The following EDIL3 variants were observed in gnomAD, a reference collection of about 807,000 sequenced individuals.
EDIL3 encodes the protein EGF-like repeat and discoidin I-like domain-containing protein 3.
A neutral mutation model predicts 67.4 loss-of-function variants in EDIL3; 37 were observed. The observed-to-expected ratio is 0.55, with a 90% CI of 0.42 to 0.72. The LOEUF is 0.72. Ranked by LOEUF, EDIL3 falls within the 30% of genes least tolerant of loss-of-function variation. EDIL3 has a pLI of 0.00. For synonymous variants in EDIL3, 195 were observed against 196.3 expected (o/e 0.99, Z 0.05); for missense variants, 527 against 586.3 (o/e 0.90, Z 1.04).
At chr5:84,261,766 G>C (rs1745226057) in intron 1 of EDIL3, among the ~76,000 whole-genome samples, 1 of 151,946 alleles carries the variant, frequency 6.6e-6, no homozygotes, top group South Asian at 2.1e-4. Context: ...AATGAACAAA[G>C]AAACCTCTTA....
intron 3 of EDIL3, among the ~76,000 whole-genome samples, chr5:84,182,533 A>C (rs921696433): frequency 6.6e-6 from 1 of 152,066 alleles, no homozygotes; most frequent in Non-Finnish European, 1.5e-5. Flanking sequence ...CACTTCAAGC[A>C]CTGCAATCGG....
chr5:84,151,960 CAGGAG>C (rs1020781851), intron 4 of EDIL3, among the ~76,000 whole-genome samples: 43 of 150,920 alleles, frequency 2.8e-4, no homozygotes, highest in African/African-American at 1.0e-3. Context: ...GTAGCCCACG[CAGGAG>C]AGCAGTGGCA....
intron 4 of EDIL3, among the ~76,000 whole-genome samples, chr5:84,146,090 A>C (rs577279238): frequency 6.6e-6 from 1 of 152,160 alleles, no homozygotes; most frequent in Non-Finnish European, 1.5e-5. Context: ...GTTTAATAAT[A>C]CAAGTATAGC....
At chr5:84,227,508 A>C (rs2112406638) in intron 3 of EDIL3, among the ~76,000 whole-genome samples, 1 of 152,236 alleles carries the variant, frequency 6.6e-6, no homozygotes, top group South Asian at 2.1e-4. Flanking sequence ...CCACTATAGA[A>C]GGCAGTTTGG....
At chr5:84,184,503 T>TGTGAA (rs1749065885) in intron 3 of EDIL3, among the ~76,000 whole-genome samples, 2 of 152,238 alleles carry the variant, frequency 1.3e-5, no homozygotes, top group African/African-American at 4.8e-5. Context: ...ACAGATGCTA[T>TGTGAA]GTGAATTGCT....
chr5:83,968,884 T>G (rs1744742075), intron 9 of EDIL3, among the ~76,000 whole-genome samples: 1 of 151,898 alleles, frequency 6.6e-6, no homozygotes, highest in African/African-American at 2.4e-5. Flanking sequence ...ATTTTAAATT[T>G]TAATTATCTT....
At chr5:83,996,356 A>G (rs1004857410) in intron 9 of EDIL3, among the ~76,000 whole-genome samples, 3 of 152,194 alleles carry the variant, frequency 2.0e-5, no homozygotes, top group African/African-American at 7.2e-5. Context: ...CTTTATCCCA[A>G]TATGTGGAAG....
chr5:84,344,220 TA>T lies in EDIL3; in HGVS notation c.67+40087del, dbSNP rs763058399. On this transcript the variant is annotated intron_variant, in intron 1 of 10. Transcript: ENST00000296591. ...ATTTTTAGTTGTGAAGAATTATGTT[TA>T]TATAATTTATTACAATTGGCACCAT... 2.5e-3 allele frequency among the ~76,000 whole-genome samples: 379 copies of T among 152,132 alleles called. 2 individuals are homozygous for T. Among genetic ancestry groups the T allele is most frequent in the Non-Finnish European group, 3.1e-3 (210 of 68,004 alleles).
At chr5:84,308,144 G>C (rs1746310218) in intron 1 of EDIL3, among the ~76,000 whole-genome samples, 1 of 152,128 alleles carries the variant, frequency 6.6e-6, no homozygotes, top group African/African-American at 2.4e-5. Flanking sequence ...TAGGAAAGAA[G>C]AGAAGAGGAA....
At chr5:83,963,075 A>C in intron 10 of EDIL3, 130 bp downstream of exon 10, 1 of 1,212,190 alleles carries the variant, frequency 8.2e-7, no homozygotes, top group Non-Finnish European at 1.1e-6. Context: ...AAAGCTTTTT[A>C]TTTAACATAT....
rs117765298 is a variant in EDIL3, at chr5:84,349,288, T to C, written c.67+35020A>G. 6.2e-4 allele frequency among the ~76,000 whole-genome samples: 95 copies of C among 152,262 alleles called. No individual in the cohort carries two copies. In the East Asian group the frequency reaches 9.5e-3, roughly 15 times the overall value. On this transcript the variant is annotated intron_variant, in intron 1 of 10. Transcript: ENST00000296591. ...AGTTTAATTGACAATAGCCGTTCCATGTGTGTTCTCTGGCCCTGCTTGACC... is the reference window on the plus strand; with the variant it reads ...AGTTTAATTGACAATAGCCGTTCCACGTGTGTTCTCTGGCCCTGCTTGACC...
At chr5:84,185,782 A>G (rs1743416025) in intron 3 of EDIL3, among the ~76,000 whole-genome samples, 2 of 152,272 alleles carry the variant, frequency 1.3e-5, no homozygotes, top group South Asian at 4.1e-4. Flanking sequence ...CTGAATTGTA[A>G]ATAACAGACC....
At chr5:84,040,140 A>G (rs1040300098) in intron 9 of EDIL3, among the ~76,000 whole-genome samples, 4 of 152,194 alleles carry the variant, frequency 2.6e-5, no homozygotes, top group African/African-American at 9.6e-5. Flanking sequence ...TTGAACCCAG[A>G]AGGTCCTGTT....
intron 4 of EDIL3, among the ~76,000 whole-genome samples, chr5:84,149,286 G>A (rs990190816): frequency 6.6e-6 from 1 of 152,128 alleles, no homozygotes; most frequent in Non-Finnish European, 1.5e-5. Flanking sequence ...ATTCACAGGG[G>A]AGCAAACTCC....
chr5:84,030,248 C>T (rs1244953268), intron 9 of EDIL3, among the ~76,000 whole-genome samples: 4 of 152,106 alleles, frequency 2.6e-5, no homozygotes, highest in African/African-American at 9.7e-5. Context: ...TTTAAATCTC[C>T]TATGTAGCAC....
intron 3 of EDIL3, among the ~76,000 whole-genome samples, chr5:84,217,721 A>AACACACACACACACACACACACAC (rs61264723): frequency 1.5e-5 from 2 of 135,014 alleles, no homozygotes; most frequent in African/African-American, 5.5e-5. Flanking sequence ...TATACACACA[A>AACACACACACACACACACACACAC]ACACACACAC....
chr5:83,977,121 G>A (rs1273852901), intron 9 of EDIL3, among the ~76,000 whole-genome samples: 1 of 151,598 alleles, frequency 6.6e-6, no homozygotes, highest in East Asian at 1.9e-4. Context: ...GATGTTTTTG[G>A]TTGATGAGTA....
At chr5:84,249,072 A>C (rs955987801) in intron 2 of EDIL3, among the ~76,000 whole-genome samples, 1 of 152,176 alleles carries the variant, frequency 6.6e-6, no homozygotes, top group Non-Finnish European at 1.5e-5. Context: ...CCTCAGAGTC[A>C]GTGCTGGCCA....
rs569048351 is a variant in EDIL3 at position 84,071,190 on chromosome 5, A to G, written c.652-4584T>C. 2.0e-5 allele frequency among the ~76,000 whole-genome samples: 3 copies of G among 152,294 alleles called. No individual in the cohort carries two copies. In the East Asian group the frequency reaches 5.8e-4, roughly 29 times the overall value. ...TAAGGCAGATGAAGTATTTTGTGGGAAAGGGGACTGTAGAGTCAGTACAGA... is the reference window on the plus strand; with the variant it reads ...TAAGGCAGATGAAGTATTTTGTGGGGAAGGGGACTGTAGAGTCAGTACAGA... On this transcript the variant is annotated intron_variant, in intron 6 of 10. Coordinates refer to ENST00000296591, the MANE Select transcript of EDIL3 (RefSeq NM_005711.5).
Sources: gnomAD v4.1 joint callset for allele counts (sites outside exome capture counted in the v4.1 genomes callset) on GRCh38, gnomAD v4.1.1 for gene constraint, MANE v1.5 for transcripts, NCBI Gene and HGNC (gene_info 2026-07-23, HGNC 2026-07-21) for gene names.